FABP2: variants seen among roughly 807,000 people sequenced by gnomAD.
The protein encoded by FABP2 is fatty acid-binding protein, intestinal.
In FABP2, 11 loss-of-function variants were observed where a neutral mutation model predicts 16.1. The ratio of observed to expected loss-of-function variants is 0.68; its 90% confidence interval spans 0.43 to 1.13. The LOEUF (loss-of-function observed/expected upper bound fraction) is 1.13, where lower values mean the gene tolerates loss of function less well. Among genes scored for constraint, FABP2 ranks in the 50% most tolerant of loss-of-function variants. FABP2 has a pLI of 0.00. For missense variants in FABP2, 146 were observed against 155.1 expected (o/e 0.94, Z 0.31); for synonymous variants, 45 against 50.9 (o/e 0.88, Z 0.49).
In FABP2 at chr4:119,322,098, G is replaced by A. The variant is rs754077642; in HGVS notation, c.5C>T (p.Ala2Val). The change falls in exon 1 of 4, where the codon GCG (alanine) becomes GTG (valine). Residue 2 changes from alanine (A) to valine (V), a missense_variant. Coordinates refer to ENST00000274024, the MANE Select transcript of FABP2 (RefSeq NM_000134.4). MAFDSTWKVDRS... is the reference protein window; with the variant it reads MVFDSTWKVDRS... ...GTCTACCTTCCAAGTGCTGTCAAAC[G>A]CCATGATTTCAGTTGAGTCAGCCTC... is the stretch of plus-strand genomic sequence containing the variant. The A allele has an allele frequency of 3.7e-6, 6 of 1,612,352 alleles. No homozygotes were observed. The African/African-American group carries it at 6.7e-5, about 18-fold the overall frequency.
Position 119,318,148 on chromosome 4 carries a change from C to A in FABP2, c.*893G>T, listed in dbSNP as rs1038578479. 1 of 152,052 alleles carries A rather than the reference C, an allele frequency of 6.6e-6. No homozygotes were observed. The highest frequency in any genetic ancestry group is 1.5e-5 in the Non-Finnish European group (1 of 67,992). The allele number at this position is 152,052 out of a possible 1,614,324, so 9.4% of individuals were successfully genotyped here. ...AATAATTTAATTTAATGTAGTACAT[C>A]ATTTATTTCCTATCATCCTATTCAA... On this transcript the variant is annotated 3_prime_UTR_variant, in exon 4 of 4. Coordinates refer to ENST00000274024, the MANE Select transcript of FABP2 (RefSeq NM_000134.4).
Position 119,318,780 on chromosome 4 carries a change from C to A in FABP2, c.*261G>T. The A allele has an allele frequency of 2.9e-6, 1 of 344,428 alleles. No homozygotes were observed. The allele number at this position is 344,428 out of a possible 1,614,324, so 21.3% of individuals were successfully genotyped here. On this transcript the variant is annotated 3_prime_UTR_variant, in exon 4 of 4. Coordinates refer to ENST00000274024, the MANE Select transcript of FABP2 (RefSeq NM_000134.4). ...TTAAAAGGCAAGGCTACATATAAAG[C>A]AACATGGACGCAATATTTATTTTTG...
At chr4:119,320,960 C>A in intron 1 of FABP2, 118 bp from the exon 2 acceptor site, 1 of 750,310 alleles carries the variant, frequency 1.3e-6, no homozygotes, top group South Asian at 2.2e-5. Context: ...GTAGCATTGC[C>A]TTTGCACAAG....
chr4:119,321,229 C>A (rs535161773), intron 1 of FABP2, among the ~76,000 whole-genome samples: 3 of 152,086 alleles, frequency 2.0e-5, no homozygotes, highest in South Asian at 4.2e-4. Flanking sequence ...ATACAGTATT[C>A]TTTTTTCTTA....
rs1755621495 is a variant in FABP2, at chr4:119,318,942, A to G, written c.*99T>C. 11 of 897,326 alleles carry G rather than the reference A, an allele frequency of 1.2e-5. No homozygotes were observed. The highest frequency in any genetic ancestry group is 3.3e-5 in the South Asian group (2 of 60,056). 55.6% of individuals were successfully genotyped at this position (897,326 alleles called of 1,614,324 possible). On this transcript the variant is annotated 3_prime_UTR_variant, in exon 4 of 4. Coordinates refer to ENST00000274024, the MANE Select transcript of FABP2 (RefSeq NM_000134.4). ...CCAATGTTTATAAAAGGACCAATCA[A>G]TCAGTAACCTTATACTTGATGGGGT...
At chr4:119,321,848 A>C (rs1291088129) in intron 1 of FABP2, among the ~76,000 whole-genome samples, 188 bp downstream of exon 1, 2 of 152,160 alleles carry the variant, frequency 1.3e-5, no homozygotes, top group Admixed American at 1.3e-4. Context: ...TCCATTAGTG[A>C]GATAGTGGAT....
In FABP2 at chr4:119,318,790, G is replaced by A. The variant is rs1180575212; in HGVS notation, c.*251C>T. 2.5e-5 allele frequency: 9 copies of A among 356,372 alleles called. No homozygotes were observed. The highest frequency in any genetic ancestry group is 5.3e-5 in the South Asian group (1 of 18,988). 22.1% of individuals were successfully genotyped at this position (356,372 alleles called of 1,614,324 possible). On this transcript the variant is annotated 3_prime_UTR_variant, in exon 4 of 4. Coordinates refer to ENST00000274024, the MANE Select transcript of FABP2 (RefSeq NM_000134.4). ...AGGCTACATATAAAGCAACATGGAC[G>A]CAATATTTATTTTTGTTTTTTAAAA...
Position 119,322,077 on chromosome 4 carries a change from A to G in FABP2, c.26T>C (p.Val9Ala). 1 of 1,613,410 alleles carries G rather than the reference A, an allele frequency of 6.2e-7. No homozygotes were observed. The highest frequency in any genetic ancestry group is 1.1e-5 in the South Asian group (1 of 91,006). The change falls in exon 1 of 4, where the codon GTA becomes GCA. Residue 9 changes from valine to alanine, a missense_variant. By Grantham distance (64) the Val-to-Ala change is moderately conservative. Coordinates refer to ENST00000274024, the MANE Select transcript of FABP2 (RefSeq NM_000134.4). ...CTTGTCATAGTTTTCACTCCGGTCTACCTTCCAAGTGCTGTCAAACGCCAT... is the reference window on the plus strand; with the variant it reads ...CTTGTCATAGTTTTCACTCCGGTCTGCCTTCCAAGTGCTGTCAAACGCCAT... MAFDSTWK[V>A]DRSENYDKFM...
At chr4:119,321,740 A>G (rs1755672669) in intron 1 of FABP2, among the ~76,000 whole-genome samples, 1 of 152,176 alleles carries the variant, frequency 6.6e-6, no homozygotes, top group African/African-American at 2.4e-5. Context: ...TTCTTACTGT[A>G]AACAACAAAA....
In FABP2 at chr4:119,322,009, T is replaced by C. The variant is rs779339879; in HGVS notation, c.67+27A>G. On this transcript the variant is annotated intron_variant, in intron 1 of 3. Coordinates refer to ENST00000274024, the MANE Select transcript of FABP2 (RefSeq NM_000134.4). ...AAAATGTTTGTAAGAAAGCAAAGAA[T>C]GAGCCACAAAGAAATAAAGTCTTTA... is the stretch of plus-strand genomic sequence containing the variant. The C allele has an allele frequency of 3.2e-6, 5 of 1,583,566 alleles. No individual in the cohort carries two copies. The Admixed American group carries it at 5.1e-5, about 16-fold the overall frequency.
intron 2 of FABP2, 38 bp downstream of exon 2, chr4:119,320,632 A>G: frequency 6.8e-7 from 1 of 1,478,916 alleles, no homozygotes; most frequent in Non-Finnish European, 9.0e-7. Flanking sequence ...GGGTAGAAAA[A>G]TCAAGAATGC....
intron 3 of FABP2, 49 bp downstream of exon 3, chr4:119,319,487 T>C (rs752136746): frequency 2.7e-6 from 3 of 1,101,536 alleles, no homozygotes; most frequent in Non-Finnish European, 4.0e-6. Context: ...AATTATTGTT[T>C]TGTAGTAATT....
chr4:119,317,425 C>T lies in FABP2; in HGVS notation c.*1616G>A, dbSNP rs1353620218. 3 of 152,014 alleles carry T rather than the reference C, an allele frequency of 2.0e-5. No homozygotes were observed. Among genetic ancestry groups the T allele is most frequent in the Admixed American group, 2.0e-4 (3 of 15,236 alleles). 9.4% of individuals were successfully genotyped at this position (152,014 alleles called of 1,614,324 possible). On this transcript the variant is annotated 3_prime_UTR_variant, in exon 4 of 4. Coordinates refer to ENST00000274024, the MANE Select transcript of FABP2 (RefSeq NM_000134.4). ...CAACCCTCCAACTCTTCCAAGTCTC[C>T]AGTGTCTATTATTCTACACTCTGGT...
chr4:119,319,668 A>AATG, intron 2 of FABP2, 25 bp from the exon 3 acceptor site: 1 of 1,019,178 alleles, frequency 9.8e-7, no homozygotes, highest in Middle Eastern at 3.4e-4. Context: ...TAATAATAAT[A>AATG]ATAATAATAA....
intron 3 of FABP2, 86 bp downstream of exon 3, chr4:119,319,450 C>A: frequency 6.9e-6 from 5 of 725,234 alleles, no homozygotes; most frequent in Non-Finnish European, 1.2e-5. Context: ...AGTCAGTTTA[C>A]TGAAGATCTG....
intron 1 of FABP2, among the ~76,000 whole-genome samples, 161 bp downstream of exon 1, chr4:119,321,875 A>G (rs904036855): frequency 2.0e-5 from 3 of 152,286 alleles, no homozygotes; most frequent in Non-Finnish European, 4.4e-5. Flanking sequence ...TAATGTAAGA[A>G]GGGAGAATAT....
chr4:119,317,346 A>G lies in FABP2; in HGVS notation c.*1695T>C, dbSNP rs1242701367. ...TGGTAAAGTCTGGGCTGTAACCATC[A>G]CCCCCTGAATAATGTACATTGTACC... On this transcript the variant is annotated 3_prime_UTR_variant, in exon 4 of 4. Coordinates refer to ENST00000274024, the MANE Select transcript of FABP2 (RefSeq NM_000134.4). 1 of 151,888 alleles carries G rather than the reference A, an allele frequency of 6.6e-6. No individual in the cohort carries two copies. Among genetic ancestry groups the G allele is most frequent in the Non-Finnish European group, 1.5e-5 (1 of 67,910 alleles). 9.4% of individuals were successfully genotyped at this position (151,888 alleles called of 1,614,324 possible).
At chr4:119,319,117 ATTTATC>A in intron 3 of FABP2, 26 bp from the exon 4 acceptor site, 1 of 1,512,906 alleles carries the variant, frequency 6.6e-7, no homozygotes, top group Non-Finnish European at 9.0e-7. Context: ...AAACAGAAGA[ATTTATC>A]TTTAAGGTTT....
chr4:119,321,112 CA>C (rs1433699883), intron 1 of FABP2, among the ~76,000 whole-genome samples: 1 of 152,040 alleles, frequency 6.6e-6, no homozygotes, highest in Admixed American at 6.6e-5. Context: ...ATAAGATTAA[CA>C]AACTGTTCAT....
Sources: allele counts gnomAD v4.1 joint callset (sites outside exome capture counted in the v4.1 genomes callset), GRCh38; gene constraint gnomAD v4.1.1; transcripts MANE v1.5; gene names NCBI Gene and HGNC (gene_info 2026-07-23, HGNC 2026-07-21).